CUL1: variants seen among roughly 807,000 people sequenced by gnomAD.
The protein encoded by CUL1 is cullin-1.
A neutral mutation model predicts 118.0 loss-of-function variants in CUL1; 24 were observed. The ratio of observed to expected loss-of-function variants is 0.20; its 90% CI spans 0.15 to 0.29. The LOEUF (loss-of-function observed/expected upper bound fraction) is 0.29. CUL1 is among the 10% of genes least tolerant of loss of function. The pLI is 1.00. For synonymous variants in CUL1, 332 were observed against 340.4 expected (o/e 0.98, Z 0.27); for missense variants, 361 against 933.8 (o/e 0.39, Z 7.99).
chr7:148,764,811 A>G (rs1229391150), intron 7 of CUL1, among the ~76,000 whole-genome samples: 1 of 152,250 alleles, frequency 6.6e-6, no homozygotes, highest in Non-Finnish European at 1.5e-5. Context: ...GAAAATACAA[A>G]TAACATAAAC....
chr7:148,759,888 C>G (rs751252544), intron 6 of CUL1, among the ~76,000 whole-genome samples: 2 of 152,096 alleles, frequency 1.3e-5, no homozygotes, highest in East Asian at 3.9e-4. Context: ...CTTTTCTGGT[C>G]TCATAGTGAA....
intron 11 of CUL1, among the ~76,000 whole-genome samples, chr7:148,786,061 G>A (rs1800804393): frequency 6.6e-6 from 1 of 152,176 alleles, no homozygotes; most frequent in African/African-American, 2.4e-5. Context: ...GAATGAATCA[G>A]TTGTTAAAGG....
At chr7:148,785,385 G>C (rs113293386) in intron 11 of CUL1, among the ~76,000 whole-genome samples, 4,076 of 151,676 alleles carry the variant, frequency 0.027, 194 homozygotes, top group African/African-American at 0.093. Flanking sequence ...TTGAGACTTA[G>C]TCTTACTCTG....
chr7:148,785,689 T>C (rs1800793132), intron 11 of CUL1, among the ~76,000 whole-genome samples: 1 of 151,980 alleles, frequency 6.6e-6, no homozygotes, highest in South Asian at 2.1e-4. Flanking sequence ...TCCTTTGTCT[T>C]TTCATAAATG....
intron 2 of CUL1, among the ~76,000 whole-genome samples, chr7:148,742,162 A>C (rs1383992780): frequency 6.6e-6 from 1 of 152,232 alleles, no homozygotes; most frequent in Non-Finnish European, 1.5e-5. Flanking sequence ...GATAGGGATT[A>C]CATTGAATCT....
intron 2 of CUL1, among the ~76,000 whole-genome samples, chr7:148,733,713 TC>T (rs1368048227): frequency 6.6e-6 from 1 of 152,156 alleles, no homozygotes; most frequent in Non-Finnish European, 1.5e-5. Context: ...TAGACATGCC[TC>T]ATCAGCAGTT....
At position 148,787,332 on chromosome 7, in the gene CUL1, G is replaced by A. The variant is rs1009981853; in HGVS notation, c.1479+212G>A. On this transcript the variant is annotated intron_variant, in intron 13 of 21. Transcript: ENST00000325222. This position sits in a 1 kb window ranked among gnomAD's most constrained non-coding sequence, Gnocchi z 5.5. ...AAAACATTAGCCGGGCATGGTGGTG[G>A]GCGCCTGTAGTCCCAGCTACTTGGG... Among the ~76,000 whole-genome samples, 1 of 151,990 alleles carries A rather than the reference G, an allele frequency of 6.6e-6. No homozygotes were observed. Among genetic ancestry groups the A allele is most frequent in the Non-Finnish European group, 1.5e-5 (1 of 67,984 alleles).
At position 148,716,884 on chromosome 7, in the gene CUL1, C is replaced by T. The variant is rs1015650718; in HGVS notation, c.-161-13078C>T. On this transcript the variant is annotated intron_variant, in intron 1 of 21. Transcript: ENST00000325222. ...GACAAAACTTGAATTTACCACTTCT[C>T]GTGGCTTTGGCTGCACATTTTGGGA... is the stretch of plus-strand genomic sequence containing the variant. Among the ~76,000 whole-genome samples, 7 of 152,160 alleles carry T rather than the reference C, an allele frequency of 4.6e-5. No homozygotes were observed. In the South Asian group the frequency reaches 6.2e-4, roughly 13 times the overall value.
At chr7:148,699,812 C>T (rs984763827) in intron 1 of CUL1, among the ~76,000 whole-genome samples, 1 of 151,972 alleles carries the variant, frequency 6.6e-6, no homozygotes, top group Admixed American at 6.5e-5. Context: ...GGCCTCGGCG[C>T]GCCCCCGGTC....
chr7:148,774,895 T>C (rs1800347964), intron 9 of CUL1, among the ~76,000 whole-genome samples: 1 of 152,216 alleles, frequency 6.6e-6, no homozygotes, highest in East Asian at 1.9e-4. Context: ...TCTCAGTAGC[T>C]GGCTCCAGGA....
intron 9 of CUL1, among the ~76,000 whole-genome samples, chr7:148,772,876 C>T (rs1244151612): frequency 6.6e-6 from 1 of 152,054 alleles, no homozygotes; most frequent in African/African-American, 2.4e-5. Context: ...AGTAAGCAGC[C>T]TGCCTGTCTC....
At chr7:148,757,195 G>A (rs993340032) in intron 4 of CUL1, 45 bp downstream of exon 4, 1 of 1,308,878 alleles carries the variant, frequency 7.6e-7, no homozygotes, top group Non-Finnish European at 1.0e-6. Flanking sequence ...TTTTGTTTTT[G>A]TTTTTTTTAA....
chr7:148,730,733 A>G (rs894561142), intron 2 of CUL1, among the ~76,000 whole-genome samples: 1 of 152,216 alleles, frequency 6.6e-6, no homozygotes, highest in Non-Finnish European at 1.5e-5. Flanking sequence ...AATATTTACT[A>G]CCTGCCCTTT....
chr7:148,771,317 G>C (rs1224078082), intron 9 of CUL1, among the ~76,000 whole-genome samples: 1 of 152,210 alleles, frequency 6.6e-6, no homozygotes, highest in Non-Finnish European at 1.5e-5. Context: ...TATCATGTAA[G>C]TCAAATATTT....
At position 148,760,363 on chromosome 7, in the gene CUL1, T is replaced by C; in HGVS notation, c.656T>C (p.Phe219Ser). 6.2e-7 allele frequency: 1 copy of C among 1,606,312 alleles called. No homozygotes were observed. Among genetic ancestry groups the C allele is most frequent in the Non-Finnish European group, 8.5e-7 (1 of 1,177,376 alleles). ...TTGGGGCTGAATGAAGATGATGCAT[T>C]TGCAAAGGGCCCTACGTTAACAGTG... is the stretch of plus-strand genomic sequence containing the variant. The part of the protein sequence containing the change: ...VELGLNEDDA[F>S]AKGPTLTVYK... Residue 219 changes from phenylalanine to serine, a missense_variant, in exon 7 of 22, where the codon TTT becomes TCT. Around this residue, in one of 7 missense-constraint regions of CUL1, gnomAD observed 169 missense variants for 429.7 expected, o/e 0.39. Coordinates refer to ENST00000325222, the MANE Select transcript of CUL1 (RefSeq NM_003592.3).
At chr7:148,707,177 A>T (rs763071637) in intron 1 of CUL1, among the ~76,000 whole-genome samples, 2 of 152,174 alleles carry the variant, frequency 1.3e-5, no homozygotes, top group Non-Finnish European at 2.9e-5. Context: ...GTGGAAAATT[A>T]GGTCTTTACA....
At chr7:148,717,293 G>A (rs1470954441) in intron 1 of CUL1, among the ~76,000 whole-genome samples, 1 of 152,154 alleles carries the variant, frequency 6.6e-6, no homozygotes, top group Non-Finnish European at 1.5e-5. Flanking sequence ...CTGACCTCAG[G>A]TGATCTGCCT....
At chr7:148,751,836 C>T (rs1799501181) in intron 2 of CUL1, among the ~76,000 whole-genome samples, 2 of 152,100 alleles carry the variant, frequency 1.3e-5, no homozygotes, top group African/African-American at 4.8e-5. Flanking sequence ...AGAACATGGC[C>T]AGACGCGGTG....
intron 9 of CUL1, among the ~76,000 whole-genome samples, chr7:148,776,238 G>A (rs1800391246): frequency 7.0e-6 from 1 of 143,234 alleles, no homozygotes; most frequent in Admixed American, 7.2e-5. Context: ...GCCATGAGAC[G>A]AAGAGAATAA....
Sources: allele counts gnomAD v4.1 joint callset (sites outside exome capture counted in the v4.1 genomes callset), GRCh38; gene constraint gnomAD v4.1.1; regional missense constraint gnomAD v4.1.1; non-coding constraint Gnocchi (gnomAD v3.1); transcripts MANE v1.5; gene names NCBI Gene and HGNC (gene_info 2026-07-23, HGNC 2026-07-21).